CACNA2D1: variants seen among roughly 807,000 people sequenced by gnomAD.
CACNA2D1 encodes voltage-dependent calcium channel subunit alpha-2/delta-1.
Under a neutral mutation model 171.5 loss-of-function variants are expected in CACNA2D1, and 53 were observed. The ratio of observed to expected loss-of-function variants is 0.31; its 90% CI spans 0.25 to 0.39. The LOEUF is 0.39. CACNA2D1 is among the 10% of genes least tolerant of loss of function. The pLI, the probability that CACNA2D1 is intolerant of heterozygous loss-of-function variation, is 1.00. For missense variants in CACNA2D1, 903 were observed against 1,299.8 expected, an observed-to-expected ratio of 0.69 and a Z score of 4.69; for synonymous variants, 442 against 443.1, an observed-to-expected ratio of 1.00 and a Z score of 0.03.
At chr7:82,006,332 T>C (rs1246896463) in intron 16 of CACNA2D1, among the ~76,000 whole-genome samples, 2 of 152,022 alleles carry the variant, frequency 1.3e-5, no homozygotes, top group African/African-American at 4.8e-5. Flanking sequence ...GTGACCATAT[T>C]GGTGATAAAA....
At chr7:82,143,967 A>G (rs544988649) in intron 4 of CACNA2D1, among the ~76,000 whole-genome samples, 1 of 152,126 alleles carries the variant, frequency 6.6e-6, no homozygotes, top group South Asian at 2.1e-4. Context: ...CACCCAATCT[A>G]ATCATGTGAT....
At chr7:81,990,721 C>G (rs1176413226) in intron 21 of CACNA2D1, among the ~76,000 whole-genome samples, 4 of 152,058 alleles carry the variant, frequency 2.6e-5, no homozygotes, top group Non-Finnish European at 5.9e-5. Context: ...TTAGGCTGTC[C>G]AACTTTCCGA....
chr7:82,300,912 G>A (rs1812919621), intron 3 of CACNA2D1, among the ~76,000 whole-genome samples: 1 of 152,108 alleles, frequency 6.6e-6, no homozygotes, highest in Non-Finnish European at 1.5e-5. Flanking sequence ...ACTAGGATCT[G>A]TATTACTGGT....
chr7:82,182,929 C>G (rs1487079932), intron 3 of CACNA2D1, among the ~76,000 whole-genome samples: 1 of 151,352 alleles, frequency 6.6e-6, no homozygotes, highest in Non-Finnish European at 1.5e-5. Flanking sequence ...CCCAGCTACT[C>G]AGAAGGCTGA....
intron 1 of CACNA2D1, among the ~76,000 whole-genome samples, chr7:82,380,754 G>A (rs755364313): frequency 5.8e-4 from 88 of 152,134 alleles, no homozygotes; most frequent in Non-Finnish European, 1.2e-3. Context: ...GTGTGCGGTG[G>A]CATGATCTCG....
chr7:82,310,037 T>G (rs2129432296), intron 3 of CACNA2D1, among the ~76,000 whole-genome samples: 1 of 152,224 alleles, frequency 6.6e-6, no homozygotes, highest in South Asian at 2.1e-4. Context: ...AACTCTAAAT[T>G]TATATGCTTT....
intron 4 of CACNA2D1, among the ~76,000 whole-genome samples, chr7:82,156,011 A>G (rs1427854990): frequency 6.6e-6 from 1 of 152,176 alleles, no homozygotes; most frequent in African/African-American, 2.4e-5. Context: ...GTAACACTCA[A>G]TTTACTAAAA....
intron 10 of CACNA2D1, among the ~76,000 whole-genome samples, chr7:82,052,117 G>C (rs568743732): frequency 6.6e-6 from 1 of 152,134 alleles, no homozygotes; most frequent in African/African-American, 2.4e-5. Context: ...GCAACTTTGG[G>C]AAAGTGTTAA....
chr7:82,219,958 T>C (rs1464971794), intron 3 of CACNA2D1, among the ~76,000 whole-genome samples: 1 of 152,170 alleles, frequency 6.6e-6, no homozygotes, highest in Non-Finnish European at 1.5e-5. Flanking sequence ...AAAATTATTA[T>C]TTCCCTTTTG....
intron 3 of CACNA2D1, among the ~76,000 whole-genome samples, chr7:82,313,832 A>T (rs1050940138): frequency 6.6e-6 from 1 of 152,204 alleles, no homozygotes; most frequent in Non-Finnish European, 1.5e-5. Context: ...TTTATGGGTA[A>T]TAGGATTTCG....
At chr7:82,102,385 A>G (rs1317085493) in intron 6 of CACNA2D1, among the ~76,000 whole-genome samples, 1 of 151,638 alleles carries the variant, frequency 6.6e-6, no homozygotes, top group Non-Finnish European at 1.5e-5. Context: ...TGACACAAAG[A>G]TAAGTAAATG....
intron 5 of CACNA2D1, among the ~76,000 whole-genome samples, chr7:82,135,372 T>C (rs1791488320): frequency 1.3e-5 from 2 of 152,210 alleles, no homozygotes; most frequent in Admixed American, 1.3e-4. Flanking sequence ...ACATTTTGTT[T>C]TAGTTGACAG....
intron 6 of CACNA2D1, among the ~76,000 whole-genome samples, chr7:82,090,924 A>G (rs1377172380): frequency 6.6e-6 from 1 of 151,762 alleles, no homozygotes; most frequent in Non-Finnish European, 1.5e-5. Flanking sequence ...TATGTTGACT[A>G]CCTTAAGAAA....
chr7:82,224,716 T>G (rs1436755821), intron 3 of CACNA2D1, among the ~76,000 whole-genome samples: 1 of 152,224 alleles, frequency 6.6e-6, no homozygotes, highest in Non-Finnish European at 1.5e-5. Flanking sequence ...TCATCAATCA[T>G]GTAGTGGCTG....
chr7:81,966,831 C>T (rs1794747929), intron 31 of CACNA2D1, among the ~76,000 whole-genome samples: 1 of 151,134 alleles, frequency 6.6e-6, no homozygotes, highest in African/African-American at 2.4e-5. Flanking sequence ...CATTGATAAC[C>T]AATAGGGTTG....
chr7:82,203,669 C>T (rs1368724410), intron 3 of CACNA2D1, among the ~76,000 whole-genome samples: 1 of 152,148 alleles, frequency 6.6e-6, no homozygotes, highest in South Asian at 2.1e-4. Flanking sequence ...ATGGTTTTGG[C>T]TGGAGTCTAT....
chr7:82,427,068 A>G (rs2129458277), intron 1 of CACNA2D1, among the ~76,000 whole-genome samples: 1 of 152,310 alleles, frequency 6.6e-6, no homozygotes, highest in African/African-American at 2.4e-5. Context: ...TAATATACGC[A>G]GTTTCAGGCA....
chr7:82,380,623 T>C (rs1823589034), intron 1 of CACNA2D1, among the ~76,000 whole-genome samples: 1 of 152,068 alleles, frequency 6.6e-6, no homozygotes, highest in Admixed American at 6.5e-5. Flanking sequence ...ATTTATATAA[T>C]TAAAATTTCA....
chr7:81,984,761 ATAACT>A (rs1377594383), intron 21 of CACNA2D1, 50 bp from the exon 22 acceptor site: 3 of 958,554 alleles, frequency 3.1e-6, no homozygotes, highest in Non-Finnish European at 4.9e-6. Context: ...AAAATGAAAC[ATAACT>A]TAAAAAAAAG....
Sources: gnomAD v4.1 joint callset for allele counts (sites outside exome capture counted in the v4.1 genomes callset) on GRCh38, gnomAD v4.1.1 for gene constraint, MANE v1.5 for transcripts, NCBI Gene and HGNC (gene_info 2026-07-23, HGNC 2026-07-21) for gene names.